SMARCC2: variants seen among roughly 807,000 people sequenced by gnomAD.
SMARCC2 encodes the protein SWI/SNF related BAF chromatin remodeling complex subunit C2.
SMARCC2 carries 15 observed loss-of-function variants against 151.3 expected under a neutral mutation model. That is an observed-to-expected ratio of 0.10 (90% CI 0.07 to 0.15). SMARCC2 has a LOEUF of 0.15. Ranked by LOEUF, SMARCC2 falls within the 10% of genes least tolerant of loss-of-function variation. SMARCC2 has a pLI of 1.00. For missense variants in SMARCC2, 1,031 were observed against 1,599.7 expected, an observed-to-expected ratio of 0.64 and a Z score of 6.06; for synonymous variants, 590 against 609.5, an observed-to-expected ratio of 0.97 and a Z score of 0.47.
chr12:56,164,943 A>G (rs1332352982), intron 27 of SMARCC2, among the ~76,000 whole-genome samples: 1 of 151,998 alleles, frequency 6.6e-6, no homozygotes, highest in Non-Finnish European at 1.5e-5. Flanking sequence ...ACGCACCACC[A>G]CGCCCAGCTA....
chr12:56,171,582 C>T lies in SMARCC2; in HGVS notation c.2185+97G>A. 2 of 1,488,584 alleles carry T rather than the reference C, an allele frequency of 1.3e-6. No individual in the cohort carries two copies. Among genetic ancestry groups the T allele is most frequent in the Non-Finnish European group, 1.8e-6 (2 of 1,104,090 alleles). 92.2% of individuals were successfully genotyped at this position (1,488,584 alleles called of 1,614,324 possible). On this transcript the variant is annotated intron_variant, in intron 21 of 28. Coordinates refer to ENST00000550164, the MANE Select transcript of SMARCC2 (RefSeq NM_001330288.2). This position sits in a 1 kb window ranked among gnomAD's most constrained non-coding sequence, Gnocchi z 4.2. ...GAGCTGAGGCCCGCACAGACAAGGC[C>T]AGCAGGGCAGCCAAACTTGAGAGGA...
chr12:56,173,231 G>A (rs2135692695), intron 17 of SMARCC2, among the ~76,000 whole-genome samples: 1 of 152,258 alleles, frequency 6.6e-6, no homozygotes, highest in Middle Eastern at 3.4e-3. Context: ...GGTTCTCTTA[G>A]GAGCTGGACA....
chr12:56,181,676 C>T, intron 9 of SMARCC2, 28 bp downstream of exon 9: 1 of 1,613,906 alleles, frequency 6.2e-7, no homozygotes, highest in South Asian at 1.1e-5. Context: ...GCTAAGGGCG[C>T]CAGGAAAAAA....
intron 17 of SMARCC2, 111 bp downstream of exon 17, chr12:56,173,585 G>T: frequency 1.0e-6 from 1 of 976,052 alleles, no homozygotes; most frequent in Non-Finnish European, 1.5e-6. Flanking sequence ...CCATGGAAAA[G>T]GAAGAAGCCT....
chr12:56,166,117 T>G (rs1474219189), intron 26 of SMARCC2, among the ~76,000 whole-genome samples: 1 of 152,210 alleles, frequency 6.6e-6, no homozygotes, highest in East Asian at 1.9e-4. Flanking sequence ...TATTCTATGA[T>G]CTCAGGACTT....
intron 16 of SMARCC2, 44 bp downstream of exon 16, chr12:56,174,607 C>T (rs755320596): frequency 2.4e-6 from 3 of 1,249,742 alleles, no homozygotes; most frequent in South Asian, 2.4e-5. Context: ...CATCCATAGG[C>T]AGGCATCCTC....
At chr12:56,181,674 C>A (rs371778203) in intron 9 of SMARCC2, 30 bp downstream of exon 9, 3 of 1,613,706 alleles carry the variant, frequency 1.9e-6, no homozygotes, top group Non-Finnish European at 2.5e-6. Flanking sequence ...ATGCTAAGGG[C>A]GCCAGGAAAA....
chr12:56,184,013 A>G (rs1020026345), intron 6 of SMARCC2, 83 bp from the exon 7 acceptor site: 2 of 1,129,524 alleles, frequency 1.8e-6, no homozygotes, highest in Non-Finnish European at 2.7e-6. Context: ...TAACTAATGC[A>G]CTCTCCTGTT....
At chr12:56,166,437 C>T (rs538136068) in intron 26 of SMARCC2, among the ~76,000 whole-genome samples, 1 of 152,038 alleles carries the variant, frequency 6.6e-6, no homozygotes, top group African/African-American at 2.4e-5. Flanking sequence ...AGGTGTGAGC[C>T]ACCGCGCCCG....
In SMARCC2 at chr12:56,164,607, A is replaced by AGGAGGC; in HGVS notation, c.3351_3356dup (p.Pro1122_Pro1123dup). 6.2e-7 allele frequency: 1 copy of AGGAGGC among 1,613,796 alleles called. No individual in the cohort carries two copies. The highest frequency in any genetic ancestry group is 8.5e-7 in the Non-Finnish European group (1 of 1,179,872). On this transcript the variant is annotated inframe_insertion, in exon 28 of 29. Transcript: ENST00000550164. ...TGATGGATGGAGCAGGAGGAGGAGG[A>AGGAGGC]GGAGGCGGCATGCCAAAAGGCAAAC...
chr12:56,187,123 A>G (rs1877407333), intron 2 of SMARCC2, 64 bp downstream of exon 2: 1 of 1,498,948 alleles, frequency 6.7e-7, no homozygotes, highest in African/African-American at 1.4e-5. Flanking sequence ...TTTAAAATAC[A>G]ACTCTTCAGT....
In SMARCC2 at chr12:56,178,515, G is replaced by A. The variant is rs200931713; in HGVS notation, c.1199C>T (p.Thr400Met). The change falls in exon 14 of 29, where the codon ACG becomes ATG. Residue 400 changes from threonine (T) to methionine (M), a missense_variant. Physicochemically the swap from Thr to Met is moderately conservative, Grantham distance 81. Coordinates refer to ENST00000550164, the MANE Select transcript of SMARCC2 (RefSeq NM_001330288.2). ...CTTGGTCTGCTCTCCCTTGTTCCCCGTACTGTTCTCATCCTCATCCTACGA... is the reference window on the plus strand; with the variant it reads ...CTTGGTCTGCTCTCCCTTGTTCCCCATACTGTTCTCATCCTCATCCTACGA... ...TTGKDEDENS[T>M]GNKGEQTKNP... 5.7e-5 allele frequency: 92 copies of A among 1,614,146 alleles called. No individual in the cohort carries two copies. The highest frequency in any genetic ancestry group is 1.2e-4 in the Admixed American group (7 of 60,014).
In SMARCC2 at chr12:56,189,441, G is replaced by A. The variant is rs765012044; in HGVS notation, c.21C>T (p.Asp7=). ...CGTAGTACTTCACGTTGGGGCCGCC[G>A]TCCTTCTTCCGCACCGCCATCTTCT... MAVRKK[D]GGPNVKYYEA... Residue 7 remains aspartate, a synonymous_variant, in exon 1 of 29, where the codon GAC becomes GAT. Coordinates refer to ENST00000550164, the MANE Select transcript of SMARCC2 (RefSeq NM_001330288.2). 2.7e-6 allele frequency: 4 copies of A among 1,502,590 alleles called. No homozygotes were observed. Among genetic ancestry groups the A allele is most frequent in the South Asian group, 2.5e-5 (2 of 78,780 alleles). The allele number at this position is 1,502,590 out of a possible 1,614,324, so 93.1% of individuals were successfully genotyped here.
chr12:56,170,255 G>C, intron 22 of SMARCC2, 47 bp from the exon 23 acceptor site: 1 of 1,484,664 alleles, frequency 6.7e-7, no homozygotes, highest in East Asian at 2.3e-5. Flanking sequence ...TTAATACACA[G>C]TCGTCTGTGT....
chr12:56,178,201 C>T, intron 14 of SMARCC2, 108 bp from the exon 15 acceptor site: 1 of 1,028,362 alleles, frequency 9.7e-7, no homozygotes, highest in Non-Finnish European at 1.4e-6. Flanking sequence ...CTCGAAATTG[C>T]TGAAGTTAGA....
intron 17 of SMARCC2, among the ~76,000 whole-genome samples, chr12:56,173,468 C>T (rs1874343370): frequency 6.6e-6 from 1 of 152,164 alleles, no homozygotes; most frequent in South Asian, 2.1e-4. Flanking sequence ...CTGTCTACTC[C>T]TTGAGTAAAA....
chr12:56,168,149 G>A lies in SMARCC2; in HGVS notation c.2761C>T (p.Leu921=). The part of the protein sequence containing the change: ...EERKIKSLVA[L]LVETQMKKLE... ...TTTTTCATCTGGGTCTCCACCAGCA[G>A]GGCCACCAAAGATTTGATCTTCCTT... Residue 921 remains leucine, a synonymous_variant, in exon 26 of 29, where the codon CTG becomes TTG. Coordinates refer to ENST00000550164, the MANE Select transcript of SMARCC2 (RefSeq NM_001330288.2). 1 of 1,614,110 alleles carries A rather than the reference G, an allele frequency of 6.2e-7. No homozygotes were observed. Among genetic ancestry groups the A allele is most frequent in the Admixed American group, 1.7e-5 (1 of 60,014 alleles).
chr12:56,169,391 A>G (rs1160166909), intron 25 of SMARCC2, 138 bp downstream of exon 25: 2 of 1,091,504 alleles, frequency 1.8e-6, no homozygotes, highest in Non-Finnish European at 2.6e-6. Context: ...GACTAACTTT[A>G]CCTCCTCCTG....
At chr12:56,183,760 TA>T in intron 7 of SMARCC2, 100 bp downstream of exon 7, 1 of 736,356 alleles carries the variant, frequency 1.4e-6, no homozygotes. Flanking sequence ...TTAAGTGATC[TA>T]AAAATAACTC....
Sources: gnomAD v4.1 joint callset for allele counts (sites outside exome capture counted in the v4.1 genomes callset) on GRCh38, gnomAD v4.1.1 for gene constraint, Gnocchi (gnomAD v3.1) non-coding constraint, MANE v1.5 for transcripts, NCBI Gene and HGNC (gene_info 2026-07-23, HGNC 2026-07-21) for gene names.